The following CCDC88C variants were observed in gnomAD, a reference collection of about 807,000 sequenced individuals.
CCDC88C encodes the protein coiled-coil and HOOK domain protein 88C.
A neutral mutation model predicts 198.8 loss-of-function variants in CCDC88C; 131 were observed. The observed-to-expected ratio is 0.66, with a 90% CI of 0.57 to 0.76. CCDC88C has a LOEUF of 0.76. Ranked by LOEUF, CCDC88C falls within the 30% of genes least tolerant of loss-of-function variation. The pLI is 0.00. For synonymous variants in CCDC88C, 1,166 were observed against 1,114.7 expected, an observed-to-expected ratio of 1.05 and a Z score of -0.92; for missense variants, 2,553 against 2,631.6, an observed-to-expected ratio of 0.97 and a Z score of 0.65.
intron 3 of CCDC88C, among the ~76,000 whole-genome samples, chr14:91,369,885 G>A (rs1317718025): frequency 6.6e-6 from 1 of 152,096 alleles, no homozygotes; most frequent in South Asian, 2.1e-4. Flanking sequence ...AAGGCCACCC[G>A]TGTCTCCGTA....
At position 91,325,993 on chromosome 14, in the gene CCDC88C, C is replaced by G. The variant is rs771781686; in HGVS notation, c.1114G>C (p.Ala372Pro). ...ACTTTATCGCCCCGGGCCCGAGCAG[C>G]AGTCAGCTGTTCCTCCAGCATGGCC... ...TKAMLEEQLT[A>P]ARARGDKVHE... Residue 372 changes from alanine (A) to proline (P), a missense_variant, in exon 11 of 30, where the codon GCT becomes CCT. By Grantham distance (27) the Ala-to-Pro change is conservative (BLOSUM62 -1). Around this residue, in one of 2 missense-constraint regions of CCDC88C, gnomAD observed 1,260 missense variants for 1,412.0 expected, o/e 0.89. Transcript: ENST00000389857. The surrounding 1 kb of genome is among the most constrained non-coding windows in gnomAD (Gnocchi z 4.1). 17 of 1,600,272 alleles carry G rather than the reference C, an allele frequency of 1.1e-5. No individual in the cohort carries two copies. The highest frequency in any genetic ancestry group is 1.4e-5 in the Non-Finnish European group (16 of 1,172,988).
intron 3 of CCDC88C, among the ~76,000 whole-genome samples, chr14:91,378,017 T>C (rs1027248038): frequency 1.3e-5 from 2 of 150,746 alleles, no homozygotes; most frequent in African/African-American, 4.9e-5. Flanking sequence ...AGGAGAGTGG[T>C]ACAGAATTGG....
rs1893143913 is a variant in CCDC88C at position 91,338,259 on chromosome 14, C to T, written c.892-96G>A. 5 of 1,468,142 alleles carry T rather than the reference C, an allele frequency of 3.4e-6. No individual in the cohort carries two copies. Among genetic ancestry groups the T allele is most frequent in the Non-Finnish European group, 3.7e-6 (4 of 1,079,098 alleles). 90.9% of individuals were successfully genotyped at this position (1,468,142 alleles called of 1,614,324 possible). A position where few individuals can be genotyped will look rare whatever the true frequency, so the allele number is the denominator to read the frequency against. ...CTTCTGCATGGTGTCTCCACGACGGCCCAGGACAAGCCAGCTCCTGGTGGC... is the reference window on the plus strand; with the variant it reads ...CTTCTGCATGGTGTCTCCACGACGGTCCAGGACAAGCCAGCTCCTGGTGGC... On this transcript the variant is annotated intron_variant, in intron 9 of 29. Coordinates refer to ENST00000389857, the MANE Select transcript of CCDC88C (RefSeq NM_001080414.4). The surrounding 1 kb of genome is among the most constrained non-coding windows in gnomAD (Gnocchi z 4.8).
intron 4 of CCDC88C, among the ~76,000 whole-genome samples, chr14:91,356,264 G>A (rs1894036443): frequency 6.6e-6 from 1 of 152,082 alleles, no homozygotes; most frequent in Non-Finnish European, 1.5e-5. Flanking sequence ...GAGCACCATG[G>A]GACCCCTGTC....
At chr14:91,301,581 G>T (rs1222396959) in intron 20 of CCDC88C, among the ~76,000 whole-genome samples, 6 of 152,208 alleles carry the variant, frequency 3.9e-5, no homozygotes, top group African/African-American at 1.4e-4. Flanking sequence ...GCCGGGTGTG[G>T]TGGTGCATGC....
At chr14:91,385,558 C>T (rs1382988404) in intron 3 of CCDC88C, among the ~76,000 whole-genome samples, 1 of 152,206 alleles carries the variant, frequency 6.6e-6, no homozygotes, top group Non-Finnish European at 1.5e-5. Context: ...TGGAGAAGGG[C>T]CTCAGGTCAC....
Position 91,305,777 on chromosome 14 carries a change from G to A in CCDC88C, c.3345C>T (p.Thr1115=), listed in dbSNP as rs17127220. ...GAGCCCCGCTCACCTGCAGCTTGGCGGTCTGGGTCTGCAGTGTGGTGTTGT... is the reference window on the plus strand; with the variant it reads ...GAGCCCCGCTCACCTGCAGCTTGGCAGTCTGGGTCTGCAGTGTGGTGTTGT... ...QEHNTTLQTQ[T]AKLQVENSTL... Residue 1115 remains threonine (T), a synonymous_variant, in exon 19 of 30, where the codon ACC becomes ACT. Transcript: ENST00000389857. 122 of 1,600,962 alleles carry A rather than the reference G, an allele frequency of 7.6e-5. No individual in the cohort carries two copies. In the Admixed American group the frequency reaches 1.3e-3, roughly 17 times the overall value.
intron 3 of CCDC88C, among the ~76,000 whole-genome samples, chr14:91,368,751 A>AGGT (rs147679739): frequency 0.016 from 2,436 of 152,240 alleles, 69 homozygotes; most frequent in African/African-American, 0.055. Flanking sequence ...TCTCCTTTGC[A>AGGT]GGTGTTGGAA....
intron 10 of CCDC88C, among the ~76,000 whole-genome samples, chr14:91,337,737 A>G (rs1893111666): frequency 2.0e-5 from 3 of 152,256 alleles, no homozygotes; most frequent in African/African-American, 7.2e-5. Context: ...GAAGGTGATC[A>G]TAATGCCATG....
chr14:91,327,652 T>C (rs1238017775), intron 10 of CCDC88C, among the ~76,000 whole-genome samples: 2 of 152,192 alleles, frequency 1.3e-5, no homozygotes, highest in Non-Finnish European at 2.9e-5. Context: ...CTCGAGGGGC[T>C]TGTGTGGGTG....
intron 12 of CCDC88C, among the ~76,000 whole-genome samples, chr14:91,324,490 G>A (rs189131541): frequency 7.9e-5 from 12 of 152,376 alleles, no homozygotes; most frequent in African/African-American, 2.6e-4. Context: ...GAGCCTCTGG[G>A]TGTCAGTGCA....
intron 4 of CCDC88C, among the ~76,000 whole-genome samples, chr14:91,356,257 C>T (rs1894036242): frequency 6.6e-6 from 1 of 152,218 alleles, no homozygotes; most frequent in African/African-American, 2.4e-5. Flanking sequence ...GCTCTCAGAG[C>T]ACCATGGGAC....
chr14:91,369,283 T>C (rs1894675536), intron 3 of CCDC88C, among the ~76,000 whole-genome samples: 2 of 152,290 alleles, frequency 1.3e-5, no homozygotes, highest in South Asian at 2.1e-4. Context: ...CTCGGCTCAC[T>C]GCAACCTCCA....
At chr14:91,351,484 C>G (rs771597730) in intron 4 of CCDC88C, among the ~76,000 whole-genome samples, 2 of 152,170 alleles carry the variant, frequency 1.3e-5, no homozygotes, top group Non-Finnish European at 2.9e-5. Context: ...GAGGAATACT[C>G]AAGGTGGAGA....
intron 3 of CCDC88C, among the ~76,000 whole-genome samples, chr14:91,376,544 G>A (rs1884427793): frequency 6.6e-6 from 1 of 152,226 alleles, no homozygotes; most frequent in Non-Finnish European, 1.5e-5. Context: ...CAGCCCTGGT[G>A]GGGCACAGGG....
Position 91,339,122 on chromosome 14 carries a change from G to A in CCDC88C, c.809+156C>T, listed in dbSNP as rs973584197. The A allele has an allele frequency of 6.7e-5, 57 of 847,270 alleles. No individual in the cohort carries two copies. The highest frequency in any genetic ancestry group is 1.1e-4 in the Non-Finnish European group (56 of 517,884). 52.5% of individuals were successfully genotyped at this position (847,270 alleles called of 1,614,324 possible). On this transcript the variant is annotated intron_variant, in intron 8 of 29. Coordinates refer to ENST00000389857, the MANE Select transcript of CCDC88C (RefSeq NM_001080414.4). This position sits in a 1 kb window ranked among gnomAD's most constrained non-coding sequence, Gnocchi z 5.8. ...CAGGCCTCAGAAGGGGAGGCAGCTA[G>A]TCCGAGGTCAAAGAGTAAGCTCAGG...
intron 18 of CCDC88C, among the ~76,000 whole-genome samples, chr14:91,306,272 A>C (rs1328955777): frequency 6.6e-6 from 1 of 152,072 alleles, no homozygotes; most frequent in East Asian, 1.9e-4. Flanking sequence ...TCTCCCATTG[A>C]CTCCAACCCT....
At chr14:91,305,026 G>C (rs1429469308) in intron 19 of CCDC88C, among the ~76,000 whole-genome samples, 5 of 152,142 alleles carry the variant, frequency 3.3e-5, no homozygotes, top group Non-Finnish European at 7.4e-5. Context: ...TGGATCATTT[G>C]AGGTCAGGAG....
chr14:91,321,023 G>C (rs952244664), intron 13 of CCDC88C, 97 bp downstream of exon 13: 4 of 1,163,932 alleles, frequency 3.4e-6, no homozygotes, highest in Non-Finnish European at 4.8e-6. Context: ...GCTCTACCTG[G>C]CCCCCTCCTT....
Sources: allele counts gnomAD v4.1 joint callset (sites outside exome capture counted in the v4.1 genomes callset), GRCh38; gene constraint gnomAD v4.1.1; regional missense constraint gnomAD v4.1.1; non-coding constraint Gnocchi (gnomAD v3.1); transcripts MANE v1.5; gene names NCBI Gene and HGNC (gene_info 2026-07-23, HGNC 2026-07-21).